ESR1: variants seen among roughly 807,000 people sequenced by gnomAD.
ESR1 encodes estrogen receptor 1.
In ESR1, 12 loss-of-function variants were observed where a neutral mutation model predicts 52.7. That is an observed-to-expected ratio of 0.23 (90% confidence interval 0.15 to 0.37). The LOEUF is 0.37. Ranked by LOEUF, ESR1 falls within the 10% of genes least tolerant of loss-of-function variation. The pLI, the probability that ESR1 is intolerant of heterozygous loss-of-function variation, is 1.00. For missense variants in ESR1, 584 were observed against 779.7 expected (o/e 0.75, Z 2.99); for synonymous variants, 305 against 316.8 (o/e 0.96, Z 0.39).
chr6:152,046,734 A>G (rs938737743), intron 5 of ESR1, among the ~76,000 whole-genome samples: 1 of 152,228 alleles, frequency 6.6e-6, no homozygotes, highest in Non-Finnish European at 1.5e-5. Context: ...AAGTCCTGCC[A>G]TCTTCCATTG....
rs750094264 is a variant in ESR1, at chr6:152,098,674, C to G, written c.1554-58C>G. On this transcript the variant is annotated intron_variant, in intron 7 of 7. Transcript: ENST00000206249. The surrounding 1 kb of genome is among the most constrained non-coding windows in gnomAD (Gnocchi z 5.1). The stretch of plus-strand genomic sequence containing the variant: ...TTCCTTCCCCTTCTAGGGATTTCAG[C>G]ACTCCTGGGGCTCGGGTTGGCTCTA... 5.5e-5 allele frequency: 76 copies of G among 1,388,242 alleles called. No homozygotes were observed. Among genetic ancestry groups the G allele is most frequent in the Middle Eastern group, 1.8e-4 (1 of 5,706 alleles). 86.0% of individuals were successfully genotyped at this position (1,388,242 alleles called of 1,614,324 possible).
At chr6:151,987,528 T>C (rs928993470) in intron 4 of ESR1, among the ~76,000 whole-genome samples, 3 of 152,080 alleles carry the variant, frequency 2.0e-5, no homozygotes, top group Admixed American at 6.5e-5. Flanking sequence ...CGTGGCAGAC[T>C]TTATTTTAGA....
At chr6:152,127,455 T>A (rs966566087) in exon 7 of ESR1, 5 of 152,174 alleles carry the variant, frequency 3.3e-5, no homozygotes, top group African/African-American at 7.2e-5. Context: ...ATCACTATTA[T>A]CTGTATAATG....
At chr6:152,075,229 A>C in intron 6 of ESR1, among the ~76,000 whole-genome samples, 1 of 152,188 alleles carries the variant, frequency 6.6e-6, no homozygotes, top group East Asian at 1.9e-4. Flanking sequence ...GACTTCATCC[A>C]GATTGCATAT....
chr6:151,994,834 C>T (rs1489912087), intron 4 of ESR1, among the ~76,000 whole-genome samples: 1 of 152,096 alleles, frequency 6.6e-6, no homozygotes, highest in Non-Finnish European at 1.5e-5. Context: ...GAGAGTCAAG[C>T]CTGTACATTT....
rs1239200200 is a variant in ESR1 at position 152,099,526 on chromosome 6, A to ATC, written c.*562_*563dup. The ATC allele has an allele frequency of 8.1e-6, 2 of 245,712 alleles. No individual in the cohort carries two copies. Among genetic ancestry groups the ATC allele is most frequent in the African/African-American group, 4.4e-5 (2 of 45,630 alleles). 15.2% of individuals were successfully genotyped at this position (245,712 alleles called of 1,614,324 possible). On this transcript the variant is annotated 3_prime_UTR_variant, in exon 8 of 8. Transcript: ENST00000206249. ...AGCTTTTATATGACTGTAGCAGAGT[A>ATC]TCTGGTGATTGTCAATTCATTCCCC...
At chr6:151,740,544 C>G (rs1783021058) in intron 2 of ESR1, among the ~76,000 whole-genome samples, 1 of 152,030 alleles carries the variant, frequency 6.6e-6, no homozygotes, top group Non-Finnish European at 1.5e-5. Context: ...CTTACCTCAG[C>G]ATTTTTTCCT....
At chr6:152,064,108 A>G (rs2047772962) in intron 6 of ESR1, among the ~76,000 whole-genome samples, 1 of 152,256 alleles carries the variant, frequency 6.6e-6, no homozygotes, top group South Asian at 2.1e-4. Context: ...GGAATCATCC[A>G]TAGGACACAC....
intron 1 of ESR1, among the ~76,000 whole-genome samples, chr6:151,673,596 A>G (rs1428520593): frequency 6.6e-6 from 1 of 152,072 alleles, no homozygotes; most frequent in Non-Finnish European, 1.5e-5. Context: ...AAAAATTCCA[A>G]ATTAAGCCAG....
At chr6:151,944,635 A>G (rs530434944) in intron 4 of ESR1, 127 bp downstream of exon 4, 102 of 797,162 alleles carry the variant, frequency 1.3e-4, no homozygotes, top group Non-Finnish European at 1.7e-4. Flanking sequence ...AGGTTACAGG[A>G]GATGTGTTCA....
In ESR1 at chr6:152,066,144, G is replaced by A. The variant is rs371036160; in HGVS notation, c.1369+5020G>A. Among the ~76,000 whole-genome samples the A allele has an allele frequency of 1.2e-4, 18 of 152,308 alleles. 2 individuals carry two copies. Among genetic ancestry groups the A allele is most frequent in the Admixed American group, 8.5e-4 (13 of 15,292 alleles). On this transcript the variant is annotated intron_variant, in intron 6 of 7. Transcript: ENST00000206249. Reference sequence around the variant, plus strand: ...TGCCATGATGGTGCCCTCATGAAACGAAGGATGCTGAAGCAGATGCCATTC... The same window carrying A: ...TGCCATGATGGTGCCCTCATGAAACAAAGGATGCTGAAGCAGATGCCATTC...
chr6:151,931,377 T>C (rs2033576159), intron 3 of ESR1, among the ~76,000 whole-genome samples: 1 of 152,192 alleles, frequency 6.6e-6, no homozygotes, highest in African/African-American at 2.4e-5. Context: ...GATTCTTTCT[T>C]AAAATTTCTA....
At position 151,725,734 on chromosome 6, in the gene ESR1, T is replaced by A. The variant is rs576187395; in HGVS notation, c.-71+23729T>A. On this transcript the variant is annotated intron_variant, in intron 2 of 2. Coordinates refer to the ESR1 transcript ENST00000404742. ...TTGAGCATTTTCTACATGAAGGGCA[T>A]TACCAGGGAGTGAAAGAAATATAAG... is the stretch of plus-strand genomic sequence containing the variant. Among the ~76,000 whole-genome samples, 3 of 152,338 alleles carry A rather than the reference T, an allele frequency of 2.0e-5. 1 individual carries two copies. The highest frequency in any genetic ancestry group is 2.0e-4 in the Admixed American group (3 of 15,298).
chr6:151,715,010 G>A (rs1780917787), intron 2 of ESR1, among the ~76,000 whole-genome samples: 1 of 152,100 alleles, frequency 6.6e-6, no homozygotes, highest in African/African-American at 2.4e-5. Flanking sequence ...TTTCTTTTAG[G>A]AGCTCTTGTA....
downstream of ESR1, among the ~76,000 whole-genome samples, chr6:152,104,817 A>C (rs2051043246): frequency 6.6e-6 from 1 of 152,174 alleles, no homozygotes; most frequent in Admixed American, 6.5e-5. Flanking sequence ...GGATAACCTC[A>C]GGATGGGGAA....
Position 152,099,765 on chromosome 6 carries a change from T to C in ESR1, c.*799T>C, listed in dbSNP as rs2050896827. 1 of 369,572 alleles carries C rather than the reference T, an allele frequency of 2.7e-6. No homozygotes were observed. Among genetic ancestry groups the C allele is most frequent in the Non-Finnish European group, 4.8e-6 (1 of 207,874 alleles). The allele number at this position is 369,572 out of a possible 1,614,324, so 22.9% of individuals were successfully genotyped here. ...ATATGAGGGATAAGTTCCTGATTTT[T>C]GTTTTTATTTTTGTGTTACAAAAGA... On this transcript the variant is annotated 3_prime_UTR_variant, in exon 8 of 8. Coordinates refer to ENST00000206249, the MANE Select transcript of ESR1 (RefSeq NM_000125.4).
chr6:151,815,600 T>C (rs1779494434), intron 1 of ESR1, among the ~76,000 whole-genome samples: 1 of 152,226 alleles, frequency 6.6e-6, no homozygotes, highest in African/African-American at 2.4e-5. Context: ...TGAATCTCTC[T>C]TTCTCAGGAA....
At chr6:151,914,974 A>G (rs1034192388) in intron 3 of ESR1, among the ~76,000 whole-genome samples, 2 of 152,222 alleles carry the variant, frequency 1.3e-5, no homozygotes, top group Non-Finnish European at 2.9e-5. Flanking sequence ...AAATTTTGGT[A>G]ACAAATTTAA....
At chr6:151,745,024 C>T (rs1016978384) in intron 2 of ESR1, among the ~76,000 whole-genome samples, 10 of 152,330 alleles carry the variant, frequency 6.6e-5, no homozygotes, top group African/African-American at 2.4e-4. Context: ...ACAGCTCTCC[C>T]TGCTCTTAGC....
Sources: gnomAD v4.1 joint callset for allele counts (sites outside exome capture counted in the v4.1 genomes callset) on GRCh38, gnomAD v4.1.1 for gene constraint, Gnocchi (gnomAD v3.1) non-coding constraint, MANE v1.5 for transcripts, NCBI Gene and HGNC (gene_info 2026-07-23, HGNC 2026-07-21) for gene names.